Variants in CCDC138 observed in about 807,000 individuals in gnomAD.
CCDC138 encodes coiled-coil domain containing 138, also known as coiled-coil domain-containing protein 138.
CCDC138 carries 66 observed loss-of-function variants against 82.3 expected under a neutral mutation model. The ratio of observed to expected loss-of-function variants is 0.80; its 90% CI spans 0.66 to 0.98. CCDC138 has a LOEUF of 0.98. Among genes scored for constraint, CCDC138 ranks in the 50% least tolerant of loss-of-function variants. The probability of loss-of-function intolerance (pLI) is 0.00; values close to 1 mark genes in which losing one functional copy is unlikely to be tolerated. For synonymous variants in CCDC138, 297 were observed against 265.4 expected (o/e 1.12, Z -1.16); for missense variants, 816 against 758.9 (o/e 1.08, Z -0.88).
chr2:108,855,782 T>C lies in CCDC138; in HGVS notation c.1517-1012T>C, dbSNP rs569569457. 1.2e-3 allele frequency among the ~76,000 whole-genome samples: 185 copies of C among 152,306 alleles called. 1 individual carries two copies. Among genetic ancestry groups the C allele is most frequent in the African/African-American group, 4.2e-3 (176 of 41,574 alleles). On this transcript the variant is annotated intron_variant, in intron 12 of 14. Coordinates refer to ENST00000295124, the MANE Select transcript of CCDC138 (RefSeq NM_144978.3). ...AATAACCAGGGTTTTAAATTACTTA[T>C]TATGTAAGCTGAAACAGCAAAGAAG...
At chr2:108,824,896 T>C (rs1005922304) in intron 10 of CCDC138, among the ~76,000 whole-genome samples, 1 of 152,212 alleles carries the variant, frequency 6.6e-6, no homozygotes, top group African/African-American at 2.4e-5. Context: ...AGCATTGTTA[T>C]ATGTGGTCAG....
At chr2:108,804,298 T>C (rs1231851605) in intron 6 of CCDC138, among the ~76,000 whole-genome samples, 1 of 152,118 alleles carries the variant, frequency 6.6e-6, no homozygotes, top group Non-Finnish European at 1.5e-5. Context: ...TAAATGTAAT[T>C]AGAGGGGAAG....
At chr2:108,823,333 A>G (rs1574077750) in intron 10 of CCDC138, among the ~76,000 whole-genome samples, 1 of 152,232 alleles carries the variant, frequency 6.6e-6, no homozygotes, top group South Asian at 2.1e-4. Flanking sequence ...CAAAGACGCA[A>G]TAAAAAACTA....
chr2:108,847,087 T>C (rs2150635967), intron 12 of CCDC138, among the ~76,000 whole-genome samples, 157 bp downstream of exon 12: 1 of 152,376 alleles, frequency 6.6e-6, no homozygotes, highest in African/African-American at 2.4e-5. Flanking sequence ...TTTTATTTGC[T>C]GAATTTGAGA....
rs185617289 is a variant in CCDC138, at chr2:108,841,353, G to C, written c.1323+2052G>C. 1.2e-3 allele frequency among the ~76,000 whole-genome samples: 177 copies of C among 152,238 alleles called. 1 individual carries two copies. Among genetic ancestry groups the C allele is most frequent in the African/African-American group, 4.1e-3 (169 of 41,536 alleles). On this transcript the variant is annotated intron_variant, in intron 11 of 14. Coordinates refer to ENST00000295124, the MANE Select transcript of CCDC138 (RefSeq NM_144978.3). ...CTGTTCTATCAAGTGTGGAGAGATAGATGGATGTTGAAGTCTCTGGCTATA... is the reference window on the plus strand; with the variant it reads ...CTGTTCTATCAAGTGTGGAGAGATACATGGATGTTGAAGTCTCTGGCTATA...
intron 10 of CCDC138, among the ~76,000 whole-genome samples, chr2:108,822,882 G>A (rs1290578003): frequency 6.6e-6 from 1 of 152,060 alleles, no homozygotes; most frequent in Non-Finnish European, 1.5e-5. Context: ...TTCTTTGAAA[G>A]TATCAACAAA....
chr2:108,831,738 G>GTCCT (rs1687703187), intron 10 of CCDC138, among the ~76,000 whole-genome samples: 2 of 25,254 alleles, frequency 7.9e-5, no homozygotes, highest in Non-Finnish European at 1.5e-4. Flanking sequence ...CCTTCCTTCC[G>GTCCT]TCCTTCCTGT....
At chr2:108,856,449 A>C (rs1285515929) in intron 12 of CCDC138, among the ~76,000 whole-genome samples, 1 of 152,228 alleles carries the variant, frequency 6.6e-6, no homozygotes, top group Admixed American at 6.5e-5. Context: ...TAGAAATACT[A>C]AGTTTTTGGA....
rs773582876 is a variant in CCDC138, at chr2:108,786,929, C to T, written c.93+14C>T. 1 of 1,502,842 alleles carries T rather than the reference C, an allele frequency of 6.7e-7. No homozygotes were observed. The highest frequency in any genetic ancestry group is 8.9e-7 in the Non-Finnish European group (1 of 1,124,914). 93.1% of individuals were successfully genotyped at this position (1,502,842 alleles called of 1,614,324 possible). A position where few individuals can be genotyped will look rare whatever the true frequency, so the allele number is the denominator to read the frequency against. ...TGCCCCGACGAGGTGAAGCCGCCGC[C>T]TGAGGTCCGCGGGTGGGCTCCTGCT... On this transcript the variant is annotated intron_variant, in intron 1 of 14. Coordinates refer to ENST00000295124, the MANE Select transcript of CCDC138 (RefSeq NM_144978.3).
At chr2:108,846,702 G>A in intron 11 of CCDC138, 36 bp from the exon 12 acceptor site, 1 of 1,549,528 alleles carries the variant, frequency 6.5e-7, no homozygotes, top group East Asian at 2.2e-5. Flanking sequence ...TTCTGAACAT[G>A]AATAAATATA....
At chr2:108,825,718 G>C (rs1558682147) in intron 10 of CCDC138, among the ~76,000 whole-genome samples, 1 of 152,056 alleles carries the variant, frequency 6.6e-6, no homozygotes, top group East Asian at 1.9e-4. Context: ...CTTTTGGGTT[G>C]TTTGCATTTG....
At chr2:108,797,598 A>T (rs1308481828) in intron 5 of CCDC138, among the ~76,000 whole-genome samples, 2 of 152,112 alleles carry the variant, frequency 1.3e-5, no homozygotes, top group Non-Finnish European at 2.9e-5. Context: ...AAAATAATAG[A>T]GGGATAATCA....
At chr2:108,827,705 A>G (rs1028975269) in intron 10 of CCDC138, among the ~76,000 whole-genome samples, 2 of 151,764 alleles carry the variant, frequency 1.3e-5, no homozygotes, top group African/African-American at 4.8e-5. Flanking sequence ...AGTCCCAGCT[A>G]CTCGGGAGGC....
chr2:108,804,013 G>A (rs1357302526), intron 6 of CCDC138, among the ~76,000 whole-genome samples: 1 of 152,056 alleles, frequency 6.6e-6, no homozygotes, highest in East Asian at 1.9e-4. Context: ...TAGAATATTG[G>A]ATTTTTTTCA....
chr2:108,855,162 T>C (rs1045403933), intron 12 of CCDC138, among the ~76,000 whole-genome samples: 1 of 152,166 alleles, frequency 6.6e-6, no homozygotes, highest in Non-Finnish European at 1.5e-5. Flanking sequence ...ATCTGAAATA[T>C]TCAATAAATT....
intron 11 of CCDC138, among the ~76,000 whole-genome samples, chr2:108,842,295 T>C (rs1397957226): frequency 1.3e-5 from 2 of 152,026 alleles, no homozygotes; most frequent in African/African-American, 4.8e-5. Flanking sequence ...TGCCTTGGCT[T>C]CCCAAATTGT....
chr2:108,878,610 C>A, downstream of CCDC138: 1 of 159,856 alleles, frequency 6.3e-6, no homozygotes. Flanking sequence ...ATATGCTCTG[C>A]AGTAGTAGGG....
intron 5 of CCDC138, among the ~76,000 whole-genome samples, chr2:108,795,428 A>T (rs1680711929): frequency 6.6e-6 from 1 of 152,174 alleles, no homozygotes; most frequent in Admixed American, 6.5e-5. Flanking sequence ...AAGTGCTGGG[A>T]TTACAGGCGT....
intron 12 of CCDC138, among the ~76,000 whole-genome samples, chr2:108,849,504 C>T (rs1345921135): frequency 6.6e-6 from 1 of 152,050 alleles, no homozygotes; most frequent in Non-Finnish European, 1.5e-5. Flanking sequence ...TTTTCAGTGG[C>T]TTCATCACCT....
Sources: allele counts gnomAD v4.1 joint callset (sites outside exome capture counted in the v4.1 genomes callset), GRCh38; gene constraint gnomAD v4.1.1; transcripts MANE v1.5; gene names NCBI Gene and HGNC (gene_info 2026-07-23, HGNC 2026-07-21).